The following ZNF592 variants were observed in gnomAD, a reference collection of about 807,000 sequenced individuals.
ZNF592 encodes zinc finger protein 592.
In ZNF592, 11 loss-of-function variants were observed where a neutral mutation model predicts 80.3. That is an observed-to-expected ratio of 0.14 (90% confidence interval 0.09 to 0.23). The LOEUF is 0.23. Ranked by LOEUF, ZNF592 falls within the 10% of genes least tolerant of loss-of-function variation. ZNF592 has a pLI of 1.00. For missense variants in ZNF592, 1,420 were observed against 1,633.9 expected (o/e 0.87, Z 2.26); for synonymous variants, 646 against 640.3 (o/e 1.01, Z -0.13).
Position 84,764,809 on chromosome 15 carries a change from C to T in ZNF592, c.-156C>T, listed in dbSNP as rs1899454406. 7.5e-6 allele frequency: 3 copies of T among 398,818 alleles called. No individual in the cohort carries two copies. Among genetic ancestry groups the T allele is most frequent in the African/African-American group, 2.1e-5 (1 of 48,582 alleles). The allele number at this position is 398,818 out of a possible 1,614,324, so 24.7% of individuals were successfully genotyped here. ...CGCCACACCCTTGTTTTGAGATCCT[C>T]TCTAAGGTATGATGTCTAGGCTGAC... On this transcript the variant is annotated 5_prime_UTR_variant, in exon 2 of 11. Transcript: ENST00000560079.
intron 1 of ZNF592, among the ~76,000 whole-genome samples, chr15:84,760,283 CCTT>C (rs544071239): frequency 5.8e-4 from 88 of 152,302 alleles, no homozygotes; most frequent in African/African-American, 2.0e-3. Flanking sequence ...ATCTCCTACT[CCTT>C]CTGCTTCAGG....
chr15:84,802,708 G>T lies in ZNF592; in HGVS notation c.*315G>T. The T allele has an allele frequency of 2.4e-6, 1 of 425,240 alleles. No homozygotes were observed. Among genetic ancestry groups the T allele is most frequent in the Admixed American group, 3.6e-5 (1 of 27,756 alleles). 26.3% of individuals were successfully genotyped at this position (425,240 alleles called of 1,614,324 possible). On this transcript the variant is annotated 3_prime_UTR_variant, in exon 11 of 11. Transcript: ENST00000560079. Reference sequence around the variant, plus strand: ...GCCCAACCCCACTGCTGTCAACTAGGCTTGAACCCCACAGCGGCTGTGCTC... The same window carrying T: ...GCCCAACCCCACTGCTGTCAACTAGTCTTGAACCCCACAGCGGCTGTGCTC...
At chr15:84,792,622 T>C (rs1962781631) in intron 5 of ZNF592, among the ~76,000 whole-genome samples, 1 of 152,084 alleles carries the variant, frequency 6.6e-6, no homozygotes, top group Non-Finnish European at 1.5e-5. Context: ...GGCTAACTTT[T>C]TGTGCTTTTT....
chr15:84,755,164 C>T (rs1899133499), intron 1 of ZNF592, among the ~76,000 whole-genome samples: 1 of 149,256 alleles, frequency 6.7e-6, no homozygotes, highest in East Asian at 1.9e-4. Flanking sequence ...TGGTGTTTCA[C>T]CATGTTGGCC....
chr15:84,750,855 T>C (rs1314635178), intron 1 of ZNF592, among the ~76,000 whole-genome samples: 1 of 152,150 alleles, frequency 6.6e-6, no homozygotes, highest in Non-Finnish European at 1.5e-5. Context: ...GTCTGGAGAC[T>C]AGGGCCAAAT....
chr15:84,765,474 C>T (rs891550316), intron 2 of ZNF592, among the ~76,000 whole-genome samples: 1 of 151,812 alleles, frequency 6.6e-6, no homozygotes, highest in African/African-American at 2.4e-5. Flanking sequence ...ATTTTACATT[C>T]CTACCAGCGA....
intron 2 of ZNF592, among the ~76,000 whole-genome samples, chr15:84,776,576 C>T (rs1962258399): frequency 2.0e-5 from 3 of 151,902 alleles, no homozygotes; most frequent in Non-Finnish European, 2.9e-5. Flanking sequence ...GCCAACATGG[C>T]GAAACCCCAT....
chr15:84,781,453 C>G (rs1046557242), intron 3 of ZNF592, among the ~76,000 whole-genome samples: 7 of 149,370 alleles, frequency 4.7e-5, no homozygotes, highest in Non-Finnish European at 1.0e-4. Flanking sequence ...CCCTTTTGTG[C>G]TTTTTAAATA....
chr15:84,750,699 G>A (rs72630463), intron 1 of ZNF592, among the ~76,000 whole-genome samples: 20,469 of 152,096 alleles, frequency 0.13, 1,480 homozygotes, highest in Non-Finnish European at 0.16. Flanking sequence ...TGAGTTGGGG[G>A]CTCAGGGAAG....
chr15:84,784,228 C>G lies in ZNF592; in HGVS notation c.1553C>G (p.Ser518Ter), dbSNP rs1962516520. Residue 518 changes from serine (S) to a stop codon, truncating the protein, a stop_gained, in exon 4 of 11, where the codon TCA becomes TGA. Coordinates refer to ENST00000560079, the MANE Select transcript of ZNF592 (RefSeq NM_014630.3). LOFTEE classifies it high-confidence loss of function. The surrounding 1 kb of genome is among the most constrained non-coding windows in gnomAD (Gnocchi z 5.8). Reference sequence around the variant, plus strand: ...CTCGTCCCCCACAGTGTTGCTGCATCAGTGACAGCCAAGTCTTCAGTGCAA... The same window carrying G: ...CTCGTCCCCCACAGTGTTGCTGCATGAGTGACAGCCAAGTCTTCAGTGCAA... Reference protein sequence around the residue: ...LNLVPHSVAASVTAKSSVQRR... With the variant: ...LNLVPHSVAA 6.2e-7 allele frequency: 1 copy of G among 1,614,100 alleles called. No individual in the cohort carries two copies.
intron 3 of ZNF592, among the ~76,000 whole-genome samples, chr15:84,779,271 T>G (rs1962353105): frequency 1.3e-5 from 2 of 152,200 alleles, no homozygotes; most frequent in Non-Finnish European, 2.9e-5. Context: ...TTCTTTACAG[T>G]TTCTTCTTTT....
chr15:84,767,986 C>T (rs1303255271), intron 2 of ZNF592, among the ~76,000 whole-genome samples: 3 of 151,838 alleles, frequency 2.0e-5, no homozygotes, highest in Non-Finnish European at 1.5e-5. Flanking sequence ...AAGCAATCCT[C>T]CCACCTCAGC....
In ZNF592 at chr15:84,784,880, G is replaced by A. The variant is rs938888685; in HGVS notation, c.2205G>A (p.Glu735=). 9 of 1,614,032 alleles carry A rather than the reference G, an allele frequency of 5.6e-6. No homozygotes were observed. The highest frequency in any genetic ancestry group is 7.6e-6 in the Non-Finnish European group (9 of 1,180,052). ...CTGCACATTTCCAGAGGACAACAGA[G>A]GAGACAGAGGGGCTGGTAAGCAGAC... is the stretch of plus-strand genomic sequence containing the variant. ...VLAAHFQRTT[E]ETEGLTCQVC... The change falls in exon 4 of 11, where the codon GAG becomes GAA. Residue 735 remains glutamate (E), a synonymous_variant. Coordinates refer to ENST00000560079, the MANE Select transcript of ZNF592 (RefSeq NM_014630.3). This position sits in a 1 kb window ranked among gnomAD's most constrained non-coding sequence, Gnocchi z 5.8.
intron 2 of ZNF592, among the ~76,000 whole-genome samples, chr15:84,770,966 G>C (rs1292201161): frequency 6.6e-6 from 1 of 152,136 alleles, no homozygotes; most frequent in Non-Finnish European, 1.5e-5. Flanking sequence ...AGGCATGGCA[G>C]GGGGAGAGGA....
intron 3 of ZNF592, among the ~76,000 whole-genome samples, chr15:84,780,670 A>T (rs917785411): frequency 3.3e-5 from 5 of 152,140 alleles, no homozygotes; most frequent in Non-Finnish European, 7.4e-5. Context: ...GGGAGTTGGG[A>T]GTGGGGCAAG....
Position 84,764,519 on chromosome 15 carries a change from C to T in ZNF592, c.-258-188C>T, listed in dbSNP as rs529892564. 2.0e-5 allele frequency among the ~76,000 whole-genome samples: 3 copies of T among 152,230 alleles called. No homozygotes were observed. In the East Asian group the frequency reaches 5.8e-4, roughly 29 times the overall value. ...CCTGTAATAGAGGGAGGGGAGCAGACGTGGAGCTGGGAAAAGTTTTGTCTT... is the reference window on the plus strand; with the variant it reads ...CCTGTAATAGAGGGAGGGGAGCAGATGTGGAGCTGGGAAAAGTTTTGTCTT... On this transcript the variant is annotated intron_variant, in intron 1 of 10. Transcript: ENST00000560079.
Position 84,778,325 on chromosome 15 carries a change from A to G in ZNF592, c.-20+13A>G. The G allele has an allele frequency of 4.4e-6, 1 of 229,110 alleles. No individual in the cohort carries two copies. The highest frequency in any genetic ancestry group is 4.6e-5 in the South Asian group (1 of 21,558). 14.2% of individuals were successfully genotyped at this position (229,110 alleles called of 1,614,324 possible). On this transcript the variant is annotated intron_variant, in intron 3 of 10. Transcript: ENST00000560079. ...GGATACCAGTCAGGTACACATGCAGAGGCTGGAGGAGGCGGTGTTTGATTT... is the reference window on the plus strand; with the variant it reads ...GGATACCAGTCAGGTACACATGCAGGGGCTGGAGGAGGCGGTGTTTGATTT...
rs143359285 is a variant in ZNF592 at position 84,770,958 on chromosome 15, G to C, written c.-150+6143G>C. On this transcript the variant is annotated intron_variant, in intron 2 of 10. Transcript: ENST00000560079. ...GAAATCTTTGGTTGGCGTGGAAAAG[G>C]CATGGCAGGGGGAGAGGAGAAGCTG... is the stretch of plus-strand genomic sequence containing the variant. Among the ~76,000 whole-genome samples, 606 of 152,206 alleles carry C rather than the reference G, an allele frequency of 4.0e-3. 2 individuals are homozygous for C. The highest frequency in any genetic ancestry group is 0.014 in the African/African-American group (576 of 41,530).
At chr15:84,774,403 A>C (rs921525117) in intron 2 of ZNF592, among the ~76,000 whole-genome samples, 1 of 152,184 alleles carries the variant, frequency 6.6e-6, no homozygotes, top group Non-Finnish European at 1.5e-5. Context: ...TTTTAAAATA[A>C]ATTTTTCATG....
Sources: gnomAD v4.1 joint callset for allele counts (sites outside exome capture counted in the v4.1 genomes callset) on GRCh38, gnomAD v4.1.1 for gene constraint, Gnocchi (gnomAD v3.1) non-coding constraint, MANE v1.5 for transcripts, NCBI Gene and HGNC (gene_info 2026-07-23, HGNC 2026-07-21) for gene names.